The following RNF19A variants were observed in gnomAD, a reference collection of about 807,000 sequenced individuals.
The protein encoded by RNF19A is ring finger protein 19A, RBR E3 ubiquitin protein ligase, also known as E3 ubiquitin-protein ligase RNF19A.
RNF19A carries 32 observed loss-of-function variants against 75.7 expected under a neutral mutation model. The observed-to-expected ratio is 0.42, with a 90% CI of 0.32 to 0.57. The LOEUF (loss-of-function observed/expected upper bound fraction) is 0.57, where lower values mean the gene tolerates loss of function less well. Among genes scored for constraint, RNF19A ranks in the 20% least tolerant of loss-of-function variants. The pLI is 0.10. For missense variants in RNF19A, 782 were observed against 1,036.3 expected (o/e 0.75, Z 3.37); for synonymous variants, 335 against 345.2 (o/e 0.97, Z 0.33).
intron 1 of RNF19A, among the ~76,000 whole-genome samples, chr8:100,298,348 T>C (rs558296402): frequency 6.6e-6 from 1 of 152,268 alleles, no homozygotes; most frequent in Non-Finnish European, 1.5e-5. Flanking sequence ...ATATAAATAA[T>C]GTACAGCTAG....
chr8:100,309,004 T>C (rs927535718), intron 1 of RNF19A, among the ~76,000 whole-genome samples: 1 of 152,232 alleles, frequency 6.6e-6, no homozygotes, highest in African/African-American at 2.4e-5. Flanking sequence ...TTCCCTCTTT[T>C]TATTTACTGC....
intron 1 of RNF19A, among the ~76,000 whole-genome samples, chr8:100,308,689 T>C (rs570053825): frequency 4.8e-4 from 71 of 149,144 alleles, no homozygotes; most frequent in African/African-American, 1.7e-3. Flanking sequence ...CCATGTTCTT[T>C]AAAAAAAAAA....
In RNF19A at chr8:100,264,577, G is replaced by A; in HGVS notation, c.1306+94C>T. The stretch of plus-strand genomic sequence containing the variant: ...ACTTACTGCAGGCTCAATTTAAATT[G>A]TCCTCAAATTAAAAAACAATTAAAA... On this transcript the variant is annotated intron_variant, in intron 6 of 9. Transcript: ENST00000341084. The surrounding 1 kb of genome is among the most constrained non-coding windows in gnomAD (Gnocchi z 4.7). 1 of 810,184 alleles carries A rather than the reference G, an allele frequency of 1.2e-6. No individual in the cohort carries two copies. The highest frequency in any genetic ancestry group is 2.0e-6 in the Non-Finnish European group (1 of 492,498). The allele number at this position is 810,184 out of a possible 1,614,324, so 50.2% of individuals were successfully genotyped here.
intron 1 of RNF19A, chr8:100,303,275 T>C (rs539191824): frequency 1.3e-5 from 2 of 152,350 alleles, no homozygotes; most frequent in African/African-American, 4.8e-5. Flanking sequence ...TTCCTCGGCT[T>C]GCGGTTACAT....
chr8:100,298,627 A>G (rs1294122913), intron 1 of RNF19A, among the ~76,000 whole-genome samples: 1 of 152,184 alleles, frequency 6.6e-6, no homozygotes, highest in African/African-American at 2.4e-5. Flanking sequence ...GCCTCCCAAA[A>G]GAGGTATTTC....
At chr8:100,309,476 C>T in intron 1 of RNF19A, 6 of 985,558 alleles carry the variant, frequency 6.1e-6, no homozygotes, top group South Asian at 4.7e-5. Context: ...GGGTCTCCCC[C>T]GCTTTAGGGG....
At position 100,275,645 on chromosome 8, in the gene RNF19A, A is replaced by AC. The variant is rs1450530343; in HGVS notation, c.675-485dup. Among the ~76,000 whole-genome samples the AC allele has an allele frequency of 6.6e-6, 1 of 152,176 alleles. No individual in the cohort carries two copies. Among genetic ancestry groups the AC allele is most frequent in the East Asian group, 1.9e-4 (1 of 5,200 alleles). On this transcript the variant is annotated intron_variant, in intron 2 of 9. Coordinates refer to ENST00000341084, the MANE Select transcript of RNF19A (RefSeq NM_183419.4). The surrounding 1 kb of genome is among the most constrained non-coding windows in gnomAD (Gnocchi z 4.3). ...TAAATTAGTACAGTATTGTATGCAC[A>AC]CAAAAAAAAGACTAGAAGGAAAAAC...
At chr8:100,289,637 A>G (rs961136639) in intron 1 of RNF19A, among the ~76,000 whole-genome samples, 2 of 152,176 alleles carry the variant, frequency 1.3e-5, no homozygotes, top group African/African-American at 4.8e-5. Flanking sequence ...AAAGACTGAC[A>G]TTTCCAAGTG....
At chr8:100,320,923 G>A (rs1317968644) in intron 1 of RNF19A, among the ~76,000 whole-genome samples, 4 of 152,134 alleles carry the variant, frequency 2.6e-5, no homozygotes, top group Non-Finnish European at 5.9e-5. Flanking sequence ...ATAGCATCAC[G>A]TGTAAAAATG....
upstream of RNF19A, among the ~76,000 whole-genome samples, chr8:100,310,894 G>A (rs1025922459): frequency 6.6e-6 from 1 of 150,924 alleles, no homozygotes; most frequent in South Asian, 2.1e-4. Context: ...CCCTTTGAAT[G>A]TTTCAATCTA....
upstream of RNF19A, among the ~76,000 whole-genome samples, chr8:100,313,949 T>C (rs962531950): frequency 7.2e-6 from 1 of 138,396 alleles, no homozygotes; most frequent in Non-Finnish European, 1.5e-5. Flanking sequence ...TGGCTCAATA[T>C]TGGCTCATTG....
rs1819702574 is a variant in RNF19A at position 100,261,309 on chromosome 8, G to T, written c.1682+233C>A. Among the ~76,000 whole-genome samples the T allele has an allele frequency of 6.6e-6, 1 of 151,968 alleles. No homozygotes were observed. The highest frequency in any genetic ancestry group is 2.4e-5 in the African/African-American group (1 of 41,350). On this transcript the variant is annotated intron_variant, in intron 8 of 9. Transcript: ENST00000341084. This position sits in a 1 kb window ranked among gnomAD's most constrained non-coding sequence, Gnocchi z 4.4. ...GATGGGGTTTCGCCATGTTGCCCAG[G>T]CTGGTCTCGAACTCCTGAGCTCAGG...
chr8:100,329,488 A>G lies in RNF19A; in HGVS notation c.-243+6620T>C, dbSNP rs1822583094. Among the ~76,000 whole-genome samples the G allele has an allele frequency of 6.6e-6, 1 of 152,232 alleles. No individual in the cohort carries two copies. On this transcript the variant is annotated intron_variant, in intron 1 of 3. Coordinates refer to the RNF19A transcript ENST00000519527. This position sits in a 1 kb window ranked among gnomAD's most constrained non-coding sequence, Gnocchi z 4.3. ...AAAAAGTCAGTGAATCTTAGGTTGC[A>G]TTAGCAAAGCATGTATAGTGTCCAG...
intron 2 of RNF19A, among the ~76,000 whole-genome samples, chr8:100,286,952 A>G (rs936255282): frequency 6.6e-6 from 1 of 152,222 alleles, no homozygotes; most frequent in African/African-American, 2.4e-5. Flanking sequence ...TGTAATTCAA[A>G]AACTTGAGGC....
chr8:100,326,663 T>C lies in RNF19A; in HGVS notation c.-243+9445A>G, dbSNP rs577836435. Among the ~76,000 whole-genome samples the C allele has an allele frequency of 3.9e-5, 6 of 152,332 alleles. No individual in the cohort carries two copies. The East Asian group carries it at 1.2e-3, about 29-fold the overall frequency. The stretch of plus-strand genomic sequence containing the variant: ...TCCCTGCCTTCCCTTCAAGTTTCTC[T>C]ATCTTATTTCCTTCCCATGAGCTCT... On this transcript the variant is annotated intron_variant, in intron 1 of 3. Coordinates refer to the RNF19A transcript ENST00000519527.
chr8:100,299,943 T>A (rs1821749461), intron 1 of RNF19A, among the ~76,000 whole-genome samples: 1 of 152,196 alleles, frequency 6.6e-6, no homozygotes, highest in African/African-American at 2.4e-5. Flanking sequence ...AGGGAAGACC[T>A]CTGGTTAGCT....
At position 100,301,789 on chromosome 8, in the gene RNF19A, G is replaced by C. The variant is rs1586675594; in HGVS notation, c.-94+8078C>G. Among the ~76,000 whole-genome samples, 2 of 152,144 alleles carry C rather than the reference G, an allele frequency of 1.3e-5. 1 individual carries two copies. Among genetic ancestry groups the C allele is most frequent in the South Asian group, 4.1e-4 (2 of 4,826 alleles). On this transcript the variant is annotated intron_variant, in intron 1 of 9. Coordinates refer to ENST00000341084, the MANE Select transcript of RNF19A (RefSeq NM_183419.4). ...ATATTATTCTTTACTAGAAGGTGGG[G>C]AAAAAAGTTAGGCAGAGCAAAGGAG...
chr8:100,311,736 A>G (rs929491602), upstream of RNF19A, among the ~76,000 whole-genome samples: 42 of 126,266 alleles, frequency 3.3e-4, no homozygotes, highest in Admixed American at 1.8e-3. Context: ...AAAAAAAAAA[A>G]AAAGAAAAGA....
chr8:100,274,253 G>A (rs1410300211), intron 3 of RNF19A, among the ~76,000 whole-genome samples: 1 of 152,166 alleles, frequency 6.6e-6, no homozygotes, highest in African/African-American at 2.4e-5. Context: ...ACTTGGAGGA[G>A]AGGAATATCA....
Sources: gnomAD v4.1 joint callset for allele counts (sites outside exome capture counted in the v4.1 genomes callset) on GRCh38, gnomAD v4.1.1 for gene constraint, Gnocchi (gnomAD v3.1) non-coding constraint, MANE v1.5 for transcripts, NCBI Gene and HGNC (gene_info 2026-07-23, HGNC 2026-07-21) for gene names.